POLA1: variants seen among roughly 807,000 people sequenced by gnomAD.
POLA1 encodes the protein DNA polymerase alpha catalytic subunit.
In POLA1, 15 loss-of-function variants were observed where a neutral mutation model predicts 124.0. That is an observed-to-expected ratio of 0.12 (90% CI 0.08 to 0.19). The LOEUF (loss-of-function observed/expected upper bound fraction) is 0.19. Ranked by LOEUF, POLA1 falls within the 10% of genes least tolerant of loss-of-function variation. The pLI, the probability that POLA1 is intolerant of heterozygous loss-of-function variation, is 1.00. For missense variants in POLA1, 886 were observed against 1,103.4 expected (o/e 0.80, Z 2.79); for synonymous variants, 408 against 389.4 (o/e 1.05, Z -0.56).
chrX:24,814,952 G>GTTTTTTTTTTTTTTTT, intron 29 of POLA1, 27 bp from the exon 30 acceptor site: 2 of 867,770 alleles, frequency 2.3e-6, no homozygotes, highest in South Asian at 2.8e-5. Flanking sequence ...TGCTGTCTTT[G>GTTTTTTTTTTTTTTTT]TTTTGTTTTT....
chrX:24,821,125 G>T (rs1210469172), intron 30 of POLA1, among the ~76,000 whole-genome samples: 1 of 112,066 alleles, frequency 8.9e-6, no homozygotes, highest in Non-Finnish European at 1.9e-5. Context: ...AGTTAACTCA[G>T]TGAGATAATT....
At chrX:24,768,823 C>T (rs1602358243) in intron 26 of POLA1, among the ~76,000 whole-genome samples, 1 of 111,443 alleles carries the variant, frequency 9.0e-6, no homozygotes, top group East Asian at 2.8e-4. Flanking sequence ...GTTTGTTGCC[C>T]GGAAACAGCG....
At chrX:24,778,640 AAT>A (rs1420029631) in intron 26 of POLA1, among the ~76,000 whole-genome samples, 1 of 112,294 alleles carries the variant, frequency 8.9e-6, no homozygotes, top group Non-Finnish European at 1.9e-5. Flanking sequence ...TAATCTAGCT[AAT>A]ATGAGTTTTT....
At chrX:24,886,672 G>A (rs1209912649) in intron 34 of POLA1, among the ~76,000 whole-genome samples, 2 of 111,617 alleles carry the variant, frequency 1.8e-5, no homozygotes, top group African/African-American at 3.3e-5. Flanking sequence ...GCAGACTAAA[G>A]TACCTGACAT....
At chrX:24,813,811 CAAAAA>C (rs553323828) in intron 29 of POLA1, among the ~76,000 whole-genome samples, 2 of 33,999 alleles carry the variant, frequency 5.9e-5, no homozygotes, top group Non-Finnish European at 6.4e-5. Context: ...GAGACGCCGT[CAAAAA>C]AAAAAAAAAA....
intron 1 of POLA1, among the ~76,000 whole-genome samples, chrX:24,696,714 A>G (rs1184867768): frequency 1.8e-5 from 2 of 111,501 alleles, no homozygotes; most frequent in Admixed American, 9.6e-5. Context: ...GCTTTAAATA[A>G]CAAGACACCT....
chrX:24,744,483 ACT>A (rs1224545062), intron 23 of POLA1: 1 of 347,987 alleles, frequency 2.9e-6, no homozygotes, highest in Non-Finnish European at 5.4e-6. Flanking sequence ...GGTGAAGATA[ACT>A]CTTTGTAAAT....
intron 26 of POLA1, among the ~76,000 whole-genome samples, chrX:24,795,509 C>T (rs1326562293): frequency 9.0e-6 from 1 of 111,355 alleles, no homozygotes; most frequent in African/African-American, 3.3e-5. Flanking sequence ...AATGCTGGCT[C>T]TTTTGCAGCT....
At position 24,884,273 on chromosome X, in the gene POLA1, C is replaced by T. The variant is rs745861933; in HGVS notation, c.4048-3733C>T. ...CAGCCATCTTCCCATCTCAGCCTCC[C>T]GAGTAACTGTGACCGTAGGTGCGTG... On this transcript the variant is annotated intron_variant, in intron 34 of 36. Transcript: ENST00000379068. Among the ~76,000 whole-genome samples, 151 of 111,065 alleles carry T rather than the reference C, an allele frequency of 1.4e-3. 1 individual carries two copies. Among genetic ancestry groups the T allele is most frequent in the African/African-American group, 4.8e-3 (146 of 30,543 alleles).
chrX:24,933,973 G>T (rs1447179339), intron 36 of POLA1, among the ~76,000 whole-genome samples: 1 of 112,027 alleles, frequency 8.9e-6, no homozygotes, highest in Non-Finnish European at 1.9e-5. Flanking sequence ...GTGGGACTTT[G>T]GCATTATTAT....
intron 36 of POLA1, among the ~76,000 whole-genome samples, chrX:24,994,021 C>T (rs1157786587): frequency 1.8e-5 from 2 of 112,023 alleles, no homozygotes; most frequent in African/African-American, 6.5e-5. Context: ...CTTTTCCTCC[C>T]CTGCTCCGTA....
intron 28 of POLA1, among the ~76,000 whole-genome samples, chrX:24,811,192 C>T (rs2045893533): frequency 9.0e-6 from 1 of 111,133 alleles, no homozygotes; most frequent in South Asian, 3.8e-4. Flanking sequence ...GCGATCCTCC[C>T]ACCTTAGCCT....
chrX:24,881,529 A>C (rs1460847575), intron 34 of POLA1, among the ~76,000 whole-genome samples: 1 of 111,746 alleles, frequency 8.9e-6, no homozygotes, highest in Non-Finnish European at 1.9e-5. Flanking sequence ...AACCCTACTC[A>C]TGCAGTTTTT....
chrX:24,996,891 T>TA lies in POLA1; in HGVS notation c.*942dup, dbSNP rs1220191614. The TA allele has an allele frequency of 1.8e-5, 2 of 112,297 alleles. No homozygotes were observed. The highest frequency in any genetic ancestry group is 7.4e-4 in the South Asian group (2 of 2,719). 9.3% of individuals were successfully genotyped at this position (112,297 alleles called of 1,213,427 possible). A position where few individuals can be genotyped will look rare whatever the true frequency, so the allele number is the denominator to read the frequency against. Reference sequence around the variant, plus strand: ...AACAAAATGTTTCCCCTTGTACAATTATGCTGTGTTTTTAAAAAACATTGA... The same window carrying TA: ...AACAAAATGTTTCCCCTTGTACAATTAATGCTGTGTTTTTAAAAAACATTGA... On this transcript the variant is annotated 3_prime_UTR_variant, in exon 37 of 37. Transcript: ENST00000379068.
At chrX:24,920,019 G>T (rs1665559928) in intron 35 of POLA1, among the ~76,000 whole-genome samples, 1 of 107,043 alleles carries the variant, frequency 9.3e-6, no homozygotes, top group Non-Finnish European at 1.9e-5. Context: ...GCTAATTTTT[G>T]TATTTTTAGT....
chrX:24,993,946 A>G (rs1329551071), intron 36 of POLA1, among the ~76,000 whole-genome samples: 1 of 111,860 alleles, frequency 8.9e-6, no homozygotes, highest in African/African-American at 3.3e-5. Context: ...TTTCTAACCA[A>G]CCTGGTGGGA....
At chrX:24,951,127 C>T (rs926170261) in intron 36 of POLA1, among the ~76,000 whole-genome samples, 5 of 110,153 alleles carry the variant, frequency 4.5e-5, no homozygotes, top group South Asian at 4.0e-4. Flanking sequence ...TTCTGTTTTG[C>T]CCTGTGATTA....
At chrX:24,963,074 G>A (rs374510346) in intron 36 of POLA1, among the ~76,000 whole-genome samples, 84 of 111,518 alleles carry the variant, frequency 7.5e-4, no homozygotes, top group African/African-American at 2.7e-3. Flanking sequence ...AGTAGAATCT[G>A]TGCATATTTA....
In POLA1 at chrX:24,893,708, T is replaced by C. The variant is rs953995580; in HGVS notation, c.4164+5586T>C. On this transcript the variant is annotated intron_variant, in intron 35 of 36. Transcript: ENST00000379068. ...TAACATTTTTGAAGTTCATCTGTGT[T>C]GTAGCATGTATTAGTACTTCATTCT... Among the ~76,000 whole-genome samples, 3 of 112,839 alleles carry C rather than the reference T, an allele frequency of 2.7e-5. No individual in the cohort carries two copies. The East Asian group carries it at 8.3e-4, about 31-fold the overall frequency.
Sources: gnomAD v4.1 joint callset for allele counts (sites outside exome capture counted in the v4.1 genomes callset) on GRCh38, gnomAD v4.1.1 for gene constraint, MANE v1.5 for transcripts, NCBI Gene and HGNC (gene_info 2026-07-23, HGNC 2026-07-21) for gene names.